ZNF7: variants seen among roughly 807,000 people sequenced by gnomAD.
The protein encoded by ZNF7 is C2-H2 type zinc finger protein.
In ZNF7, 10 loss-of-function variants were observed where a neutral mutation model predicts 12.0. That is an observed-to-expected ratio of 0.83 (90% CI 0.51 to 1.42). ZNF7 has a LOEUF of 1.42. ZNF7 is among the 40% of genes most tolerant of loss of function. The probability of loss-of-function intolerance (pLI) is 0.00; values close to 1 mark genes in which losing one functional copy is unlikely to be tolerated. For synonymous variants in ZNF7, 334 were observed against 295.0 expected, an observed-to-expected ratio of 1.13 and a Z score of -1.35; for missense variants, 854 against 837.2, an observed-to-expected ratio of 1.02 and a Z score of -0.25.
At chr8:144,846,419 C>G, downstream of ZNF7, 1 of 475,428 alleles carries the variant, frequency 2.1e-6, no homozygotes. Flanking sequence ...TGACTGTGCA[C>G]AGTGTCCCTG....
chr8:144,841,733 C>G lies in ZNF7; in HGVS notation c.626C>G (p.Ser209Ter). 6.2e-7 allele frequency: 1 copy of G among 1,614,126 alleles called. No homozygotes were observed. The highest frequency in any genetic ancestry group is 8.5e-7 in the Non-Finnish European group (1 of 1,180,030). Residue 209 changes from serine (S) to a stop codon, truncating the protein, a stop_gained, in exon 5 of 5, where the codon TCA becomes TGA. Transcript: ENST00000532777. LOFTEE classifies it low-confidence loss of function (END_TRUNC). ...TGTGGCAAAGGCATCAGAGCCACTT[C>G]AGATATCGCTCTGCATTGGGAAATT... ...EECGKGIRAT[S>*]DIALHWEINT...
chr8:144,838,040 C>T (rs546113297), intron 4 of ZNF7: 15 of 696,464 alleles, frequency 2.2e-5, no homozygotes, highest in African/African-American at 1.1e-4. Flanking sequence ...ACCGGGGGGT[C>T]AGCAAGCAGG....
At chr8:144,829,655 C>A (rs1472057850) in intron 3 of ZNF7, 51 bp downstream of exon 3, 1 of 1,557,242 alleles carries the variant, frequency 6.4e-7, no homozygotes, top group Non-Finnish European at 8.7e-7. Context: ...TCAGCACCCA[C>A]CCAGCCAGGC....
rs143487534 is a variant in ZNF7 at position 144,837,458 on chromosome 8, C to T, written c.198C>T (p.Leu66=). Residue 66 remains leucine, a synonymous_variant, in exon 4 of 5, where the codon CTC becomes CTT. Coordinates refer to ENST00000532777, the MANE Select transcript of ZNF7 (RefSeq NM_003416.4). The part of the protein sequence containing the change: ...RLEQGEEPWV[L]DLQGAEGTEA... ...AGCAGGGAGAAGAGCCATGGGTCCTCGACCTGCAGGGAGCAGAGGGGACAG... is the reference window on the plus strand; with the variant it reads ...AGCAGGGAGAAGAGCCATGGGTCCTTGACCTGCAGGGAGCAGAGGGGACAG... 31 of 1,613,062 alleles carry T rather than the reference C, an allele frequency of 1.9e-5. No individual in the cohort carries two copies. The highest frequency in any genetic ancestry group is 3.3e-4 in the Middle Eastern group (2 of 6,076).
intron 3 of ZNF7, among the ~76,000 whole-genome samples, chr8:144,831,223 G>A (rs1291805691): frequency 6.6e-6 from 1 of 152,226 alleles, no homozygotes. Context: ...CAAAGGTACA[G>A]CTGCTGTTCT....
intron 3 of ZNF7, among the ~76,000 whole-genome samples, chr8:144,832,806 CATCTGT>C (rs1828591900): frequency 1.3e-5 from 2 of 152,196 alleles, no homozygotes; most frequent in African/African-American, 4.8e-5. Context: ...TTGTATTTCT[CATCTGT>C]ATCCCAGCTC....
At position 144,842,645 on chromosome 8, in the gene ZNF7, T is replaced by C. The variant is rs1563845129; in HGVS notation, c.1538T>C (p.Ile513Thr). 1 of 1,614,170 alleles carries C rather than the reference T, an allele frequency of 6.2e-7. No individual in the cohort carries two copies. Among genetic ancestry groups the C allele is most frequent in the Admixed American group, 1.7e-5 (1 of 60,022 alleles). The stretch of plus-strand genomic sequence containing the variant: ...GCCTTCAGTCAGAGTTCCAGCCTTA[T>C]TTACCATCAGAGAATCCATAAAGGA... ...GKAFSQSSSL[I>T]YHQRIHKGEK... Residue 513 changes from isoleucine to threonine, a missense_variant, in exon 5 of 5, where the codon ATT becomes ACT. By Grantham distance (89) the Ile-to-Thr change is moderately conservative. Transcript: ENST00000532777.
chr8:144,843,239 C>G lies in ZNF7; in HGVS notation c.*71C>G. 2 of 1,456,170 alleles carry G rather than the reference C, an allele frequency of 1.4e-6. No homozygotes were observed. Among genetic ancestry groups the G allele is most frequent in the Non-Finnish European group, 1.8e-6 (2 of 1,087,162 alleles). 90.2% of individuals were successfully genotyped at this position (1,456,170 alleles called of 1,614,324 possible). Reference sequence around the variant, plus strand: ...TTAACTTACTTATTTTATATGGAATCGTTTATACTGACAAACATGTAGAAT... The same window carrying G: ...TTAACTTACTTATTTTATATGGAATGGTTTATACTGACAAACATGTAGAAT... On this transcript the variant is annotated 3_prime_UTR_variant, in exon 5 of 5. Transcript: ENST00000532777.
rs904179337 is a variant in ZNF7 at position 144,842,425 on chromosome 8, C to A, written c.1318C>A (p.Pro440Thr). The stretch of plus-strand genomic sequence containing the variant: ...TCAGCTGATTCACACTGGAGAGAAG[C>A]CTTATAAATGCAACAAGTGTACAAA... ...QHQLIHTGEK[P>T]YKCNKCTKAF... is the part of the protein sequence containing the mutation. The change falls in exon 5 of 5, where the codon CCT (proline) becomes ACT (threonine). Residue 440 changes from proline to threonine, a missense_variant. Pro to Thr is a conservative substitution (Grantham distance 38, BLOSUM62 -1). Coordinates refer to ENST00000532777, the MANE Select transcript of ZNF7 (RefSeq NM_003416.4). 6.2e-7 allele frequency: 1 copy of A among 1,614,066 alleles called. No individual in the cohort carries two copies. Among genetic ancestry groups the A allele is most frequent in the Non-Finnish European group, 8.5e-7 (1 of 1,180,056 alleles).
Position 144,837,201 on chromosome 8 carries a change from A to T in ZNF7, c.131-190A>T, listed in dbSNP as rs1829108729. 3 of 443,434 alleles carry T rather than the reference A, an allele frequency of 6.8e-6. No homozygotes were observed. The South Asian group carries it at 1.6e-4, about 24-fold the overall frequency. 27.5% of individuals were successfully genotyped at this position (443,434 alleles called of 1,614,324 possible). A position where few individuals can be genotyped will look rare whatever the true frequency, so the allele number is the denominator to read the frequency against. ...CTTGCTGTCCAGCCACAGGAGGTGGACAGATCTGGACAGAAAGGGCTGCTG... is the reference window on the plus strand; with the variant it reads ...CTTGCTGTCCAGCCACAGGAGGTGGTCAGATCTGGACAGAAAGGGCTGCTG... On this transcript the variant is annotated intron_variant, in intron 3 of 4. Coordinates refer to ENST00000532777, the MANE Select transcript of ZNF7 (RefSeq NM_003416.4).
At chr8:144,832,304 T>G (rs1478774561) in intron 3 of ZNF7, among the ~76,000 whole-genome samples, 1 of 97,954 alleles carries the variant, frequency 1.0e-5, no homozygotes, top group Non-Finnish European at 2.5e-5. Flanking sequence ...ACACCTGTAG[T>G]CCCAGCTAAT....
intron 1 of ZNF7, chr8:144,828,811 G>A: frequency 1.7e-6 from 1 of 574,604 alleles, no homozygotes; most frequent in East Asian, 2.9e-5. Context: ...CACTTCTTAC[G>A]GCTTTGTGGA....
chr8:144,843,225 AT>A lies in ZNF7; in HGVS notation c.*61del. ...ATAAACCTATAGCCTTAACTTACTT[AT>A]TTTATATGGAATCGTTTATACTGAC... On this transcript the variant is annotated 3_prime_UTR_variant, in exon 5 of 5. Coordinates refer to ENST00000532777, the MANE Select transcript of ZNF7 (RefSeq NM_003416.4). 6.7e-7 allele frequency: 1 copy of A among 1,491,362 alleles called. No homozygotes were observed. Among genetic ancestry groups the A allele is most frequent in the Non-Finnish European group, 9.0e-7 (1 of 1,115,700 alleles). 92.4% of individuals were successfully genotyped at this position (1,491,362 alleles called of 1,614,324 possible).
chr8:144,829,248 A>G (rs1828151539), intron 2 of ZNF7, 158 bp downstream of exon 2: 1 of 1,540,686 alleles, frequency 6.5e-7, no homozygotes, highest in Non-Finnish European at 8.8e-7. Flanking sequence ...ACCCCTGCCC[A>G]AACCAGGGCC....
downstream of ZNF7, among the ~76,000 whole-genome samples, chr8:144,844,849 G>A (rs577353605): frequency 2.0e-5 from 3 of 152,076 alleles, no homozygotes; most frequent in South Asian, 4.2e-4. Flanking sequence ...AGATGGTTGA[G>A]TGAAGAACTT....
At chr8:144,844,738 G>GAAAAAAAAAAAAAAAAAAA (rs1830413347), downstream of ZNF7, among the ~76,000 whole-genome samples, 1 of 125,096 alleles carries the variant, frequency 8.0e-6, no homozygotes. Context: ...AAAAAAAAAC[G>GAAAAAAAAAAAAAAAAAAA]AAAATGGGAT....
At position 144,842,549 on chromosome 8, in the gene ZNF7, G is replaced by T; in HGVS notation, c.1442G>T (p.Gly481Val). The T allele has an allele frequency of 6.2e-7, 1 of 1,614,104 alleles. No individual in the cohort carries two copies. The highest frequency in any genetic ancestry group is 8.5e-7 in the Non-Finnish European group (1 of 1,180,012). ...GAGTGTGGCAAAGGCTTTGTTCAGGGCTCACACCTTATTCAGCATCAGCGA... is the reference window on the plus strand; with the variant it reads ...GAGTGTGGCAAAGGCTTTGTTCAGGTCTCACACCTTATTCAGCATCAGCGA... Reference protein sequence around the residue: ...CDECGKGFVQGSHLIQHQRIH... With the variant: ...CDECGKGFVQVSHLIQHQRIH... The change falls in exon 5 of 5, where the codon GGC becomes GTC. Residue 481 changes from glycine to valine, a missense_variant. Gly to Val is a moderately radical substitution (Grantham distance 109). Coordinates refer to ENST00000532777, the MANE Select transcript of ZNF7 (RefSeq NM_003416.4).
Position 144,827,606 on chromosome 8 carries a change from G to C in ZNF7, c.-49G>C, listed in dbSNP as rs2130506308. ...TTGCGAGCCTCGGGTGGTCCTCAGGGAGGGTGAGTCGGCGCGGCGGGCGCG... is the reference window on the plus strand; with the variant it reads ...TTGCGAGCCTCGGGTGGTCCTCAGGCAGGGTGAGTCGGCGCGGCGGGCGCG... On this transcript the variant is annotated 5_prime_UTR_variant, in exon 1 of 5. Transcript: ENST00000532777. The C allele has an allele frequency of 1.0e-6, 1 of 985,642 alleles. No individual in the cohort carries two copies. Among genetic ancestry groups the C allele is most frequent in the African/African-American group, 1.7e-5 (1 of 57,380 alleles). The allele number at this position is 985,642 out of a possible 1,614,324, so 61.1% of individuals were successfully genotyped here.
In ZNF7 at chr8:144,827,831, A is replaced by C. The variant is rs536113228; in HGVS notation, c.-46+222A>C. The C allele has an allele frequency of 1.8e-3, 576 of 325,622 alleles. 1 individual carries two copies. The highest frequency in any genetic ancestry group is 2.2e-3 in the Non-Finnish European group (492 of 226,780). 20.2% of individuals were successfully genotyped at this position (325,622 alleles called of 1,614,324 possible). On this transcript the variant is annotated intron_variant, in intron 1 of 4. Coordinates refer to ENST00000532777, the MANE Select transcript of ZNF7 (RefSeq NM_003416.4). ...GCGCGAGGTGGGCTTCGTTTGGCCG[A>C]GTCTCGCAGCTCCCCGCAGACCCCG...
Sources: allele counts gnomAD v4.1 joint callset (sites outside exome capture counted in the v4.1 genomes callset), GRCh38; gene constraint gnomAD v4.1.1; transcripts MANE v1.5; gene names NCBI Gene and HGNC (gene_info 2026-07-23, HGNC 2026-07-21).